Variants in HELZ observed in about 807,000 individuals in gnomAD.
HELZ encodes the protein ATP-dependent RNA helicase with zinc finger domain.
Under a neutral mutation model 218.2 loss-of-function variants are expected in HELZ, and 23 were observed. The observed-to-expected ratio is 0.11, with a 90% CI of 0.08 to 0.15. The LOEUF is 0.15. HELZ is among the 10% of genes least tolerant of loss of function. HELZ has a pLI of 1.00. For synonymous variants in HELZ, 814 were observed against 829.4 expected, an observed-to-expected ratio of 0.98 and a Z score of 0.32; for missense variants, 1,813 against 2,353.7, an observed-to-expected ratio of 0.77 and a Z score of 4.75.
chr17:67,109,834 C>A, intron 28 of HELZ, 148 bp from the exon 29 acceptor site: 4 of 530,014 alleles, frequency 7.5e-6, no homozygotes, highest in Non-Finnish European at 1.3e-5. Context: ...TACTTTCTCA[C>A]AATCAAATAA....
At chr17:67,101,306 TA>T (rs1255105858) in intron 31 of HELZ, among the ~76,000 whole-genome samples, 2 of 152,084 alleles carry the variant, frequency 1.3e-5, no homozygotes, top group African/African-American at 2.4e-5. Flanking sequence ...TTCATAAAGT[TA>T]TTTTAAATTT....
At chr17:67,245,301 A>G (rs1390942220), upstream of HELZ, 5 of 861,220 alleles carry the variant, frequency 5.8e-6, no homozygotes, top group Non-Finnish European at 6.9e-6. Context: ...TCCCGCCCGG[A>G]AAGTTGCCCC....
intron 23 of HELZ, among the ~76,000 whole-genome samples, chr17:67,133,912 G>A (rs1055986888): frequency 4.2e-4 from 64 of 152,188 alleles, no homozygotes; most frequent in African/African-American, 1.5e-3. Flanking sequence ...TGTATGTGCT[G>A]TCTCACTTAT....
At chr17:67,193,356 A>G (rs2039945421) in intron 9 of HELZ, among the ~76,000 whole-genome samples, 1 of 151,696 alleles carries the variant, frequency 6.6e-6, no homozygotes, top group African/African-American at 2.4e-5. Context: ...AAAAAAAAAA[A>G]AAAAAAAGAA....
chr17:67,148,967 TC>T (rs1383155268), intron 19 of HELZ, among the ~76,000 whole-genome samples: 1 of 152,148 alleles, frequency 6.6e-6, no homozygotes, highest in Non-Finnish European at 1.5e-5. Context: ...GACAAAGGGC[TC>T]CCCAGCATAA....
chr17:67,089,698 G>GAGAGAGAGAC (rs1379133150), intron 31 of HELZ, among the ~76,000 whole-genome samples: 11 of 139,534 alleles, frequency 7.9e-5, no homozygotes, highest in African/African-American at 2.5e-4. Context: ...GAGAGAGAGA[G>GAGAGAGAGAC]AGACAGAGAG....
At chr17:67,231,416 A>T (rs1345514316) in intron 3 of HELZ, among the ~76,000 whole-genome samples, 1 of 151,918 alleles carries the variant, frequency 6.6e-6, no homozygotes, top group Non-Finnish European at 1.5e-5. Flanking sequence ...ACATGGTGAA[A>T]CCCCATCTCT....
intron 12 of HELZ, among the ~76,000 whole-genome samples, chr17:67,184,778 T>G (rs1263454440): frequency 6.6e-6 from 1 of 152,048 alleles, no homozygotes; most frequent in Non-Finnish European, 1.5e-5. Context: ...ATCACACCAC[T>G]GCACTCCAGC....
At position 67,073,592 on chromosome 17, in the gene HELZ, T is replaced by C. The variant is rs926486885; in HGVS notation, c.*4660A>G. On this transcript the variant is annotated 3_prime_UTR_variant, in exon 33 of 33. Coordinates refer to ENST00000358691, the MANE Select transcript of HELZ (RefSeq NM_014877.4). ...TAACCACAGTTCACATTTCTAAGTC[T>C]AGATTCTTCTATTAGGTACCTCCCT... 1 of 152,216 alleles carries C rather than the reference T, an allele frequency of 6.6e-6. No individual in the cohort carries two copies. The highest frequency in any genetic ancestry group is 1.5e-5 in the Non-Finnish European group (1 of 68,038). The allele number at this position is 152,216 out of a possible 1,614,324, so 9.4% of individuals were successfully genotyped here.
chr17:67,120,612 C>G lies in HELZ; in HGVS notation c.3631G>C (p.Val1211Leu), dbSNP rs761116483. The G allele has an allele frequency of 5.0e-6, 8 of 1,605,028 alleles. No individual in the cohort carries two copies. In the East Asian group the frequency reaches 1.6e-4, roughly 31 times the overall value. Reference sequence around the variant, plus strand: ...CTACCCTGGTATCCTGTCCATGGTACCTAGGTTATTAAAAAATAAAATACA... The same window carrying G: ...CTACCCTGGTATCCTGTCCATGGTAGCTAGGTTATTAAAAAATAAAATACA... ...GNVVMSVPLP[V>L]PWTGYQGRFA... Residue 1211 changes from valine to leucine, a missense_variant and splice_region_variant, in exon 27 of 33, where the codon GTA (valine) becomes CTA (leucine). Around this residue, in one of 4 missense-constraint regions of HELZ, gnomAD observed 938 missense variants for 1,027.5 expected, o/e 0.91. Coordinates refer to ENST00000358691, the MANE Select transcript of HELZ (RefSeq NM_014877.4).
At chr17:67,164,334 G>A (rs2039076495) in intron 15 of HELZ, among the ~76,000 whole-genome samples, 1 of 152,192 alleles carries the variant, frequency 6.6e-6, no homozygotes, top group Admixed American at 6.5e-5. Flanking sequence ...TCATCTGCTT[G>A]AGGAAGAGAG....
chr17:67,222,501 G>C (rs190422693), intron 3 of HELZ, among the ~76,000 whole-genome samples: 11 of 152,242 alleles, frequency 7.2e-5, no homozygotes, highest in Admixed American at 4.6e-4. Context: ...CTCAATTTAC[G>C]ACCCTTCCTC....
rs1319494874 is a variant in HELZ at position 67,178,605 on chromosome 17, A to C, written c.1430+54T>G. ...GCACACTTTCATTTTAAAGATTAGA[A>C]ATACCATCCAAAGGGGAGATTTTTT... is the stretch of plus-strand genomic sequence containing the variant. On this transcript the variant is annotated intron_variant, in intron 13 of 32. Transcript: ENST00000358691. The C allele has an allele frequency of 1.1e-5, 16 of 1,432,046 alleles. No homozygotes were observed. In the East Asian group the frequency reaches 3.7e-4, roughly 33 times the overall value. The allele number at this position is 1,432,046 out of a possible 1,614,324, so 88.7% of individuals were successfully genotyped here.
At chr17:67,178,564 A>G in intron 13 of HELZ, 95 bp downstream of exon 13, 1 of 992,526 alleles carries the variant, frequency 1.0e-6, no homozygotes, top group Non-Finnish European at 1.5e-6. Context: ...ACCATTTACT[A>G]CCTGTCTTCA....
intron 7 of HELZ, among the ~76,000 whole-genome samples, chr17:67,198,284 C>CA (rs1210357843): frequency 1.3e-5 from 2 of 152,222 alleles, no homozygotes; most frequent in African/African-American, 2.4e-5. Context: ...TGCATTTCAG[C>CA]AGTCAGCACC....
At position 67,188,211 on chromosome 17, in the gene HELZ, T is replaced by G; in HGVS notation, c.1162+108A>C. On this transcript the variant is annotated intron_variant, in intron 12 of 32. Coordinates refer to ENST00000358691, the MANE Select transcript of HELZ (RefSeq NM_014877.4). The surrounding 1 kb of genome is among the most constrained non-coding windows in gnomAD (Gnocchi z 4.1). ...AGTCAATTAAGTTGGGATTTTTTTC[T>G]TTATTACTATTCTCTTCCTATCCAT... is the stretch of plus-strand genomic sequence containing the variant. The G allele has an allele frequency of 9.3e-7, 1 of 1,070,214 alleles. No homozygotes were observed. The highest frequency in any genetic ancestry group is 2.4e-5 in the East Asian group (1 of 41,704). The allele number at this position is 1,070,214 out of a possible 1,614,324, so 66.3% of individuals were successfully genotyped here. A position where few individuals can be genotyped will look rare whatever the true frequency, so the allele number is the denominator to read the frequency against.
intron 32 of HELZ, among the ~76,000 whole-genome samples, chr17:67,081,893 T>C (rs906741259): frequency 6.6e-6 from 1 of 150,472 alleles, no homozygotes; most frequent in Non-Finnish European, 1.5e-5. Context: ...TAAAAATACA[T>C]AGAAGAGCAG....
chr17:67,098,547 C>T (rs1282909437), intron 31 of HELZ, among the ~76,000 whole-genome samples: 1 of 150,734 alleles, frequency 6.6e-6, no homozygotes, highest in African/African-American at 2.4e-5. Context: ...CCAGCCTGGC[C>T]AACGTGGTGA....
At chr17:67,202,224 C>G (rs1246580401) in intron 6 of HELZ, among the ~76,000 whole-genome samples, 1 of 151,408 alleles carries the variant, frequency 6.6e-6, no homozygotes, top group East Asian at 1.9e-4. Flanking sequence ...AAGTTACGAA[C>G]TGGTTTAAAA....
Sources: allele counts gnomAD v4.1 joint callset (sites outside exome capture counted in the v4.1 genomes callset), GRCh38; gene constraint gnomAD v4.1.1; regional missense constraint gnomAD v4.1.1; non-coding constraint Gnocchi (gnomAD v3.1); transcripts MANE v1.5; gene names NCBI Gene and HGNC (gene_info 2026-07-23, HGNC 2026-07-21).